Variants in FNDC3A observed in about 807,000 individuals in gnomAD.
FNDC3A encodes the protein fibronectin type-III domain-containing protein 3A.
In FNDC3A, 32 loss-of-function variants were observed where a neutral mutation model predicts 148.9. The observed-to-expected ratio is 0.21, with a 90% CI of 0.16 to 0.29. The LOEUF (loss-of-function observed/expected upper bound fraction) is 0.29, where lower values mean the gene tolerates loss of function less well. FNDC3A is among the 10% of genes least tolerant of loss of function. FNDC3A has a pLI of 1.00. For synonymous variants in FNDC3A, 472 were observed against 473.6 expected (o/e 1.00, Z 0.04); for missense variants, 1,191 against 1,452.8 (o/e 0.82, Z 2.93).
chr13:49,073,409 G>A (rs1310323690), intron 2 of FNDC3A, among the ~76,000 whole-genome samples: 2 of 151,746 alleles, frequency 1.3e-5, no homozygotes, highest in Non-Finnish European at 2.9e-5. Context: ...CAATAGTACA[G>A]GTTGGGCATC....
intron 3 of FNDC3A, among the ~76,000 whole-genome samples, chr13:49,107,228 G>A (rs1166048866): frequency 6.6e-6 from 1 of 152,198 alleles, no homozygotes; most frequent in African/African-American, 2.4e-5. Flanking sequence ...ATAGAGTCAT[G>A]TTATAGAGTT....
chr13:49,074,307 C>T (rs919529968), intron 2 of FNDC3A, among the ~76,000 whole-genome samples: 12 of 152,134 alleles, frequency 7.9e-5, no homozygotes, highest in Admixed American at 3.3e-4. Flanking sequence ...CATAGCTTAG[C>T]TAGCTCCCAT....
chr13:49,022,889 C>T (rs1384335382), intron 2 of FNDC3A, among the ~76,000 whole-genome samples: 2 of 152,072 alleles, frequency 1.3e-5, no homozygotes, highest in Non-Finnish European at 2.9e-5. Context: ...TTACCGTTAA[C>T]TTTTCTTTAG....
chr13:49,042,593 T>C (rs1875021382), intron 2 of FNDC3A, among the ~76,000 whole-genome samples: 1 of 151,960 alleles, frequency 6.6e-6, no homozygotes, highest in Non-Finnish European at 1.5e-5. Flanking sequence ...CTAGGCAAGA[T>C]AGTGAGACCC....
At chr13:49,177,667 G>C (rs1885099218) in intron 13 of FNDC3A, among the ~76,000 whole-genome samples, 1 of 152,182 alleles carries the variant, frequency 6.6e-6, no homozygotes, top group Non-Finnish European at 1.5e-5. Flanking sequence ...TAAACAAAAT[G>C]TGGTGTATCC....
At chr13:49,017,179 T>TC (rs1872871277) in intron 2 of FNDC3A, among the ~76,000 whole-genome samples, 1 of 152,048 alleles carries the variant, frequency 6.6e-6, no homozygotes, top group African/African-American at 2.4e-5. Flanking sequence ...GTCTCGTTGA[T>TC]CTGTCTAATG....
intron 1 of FNDC3A, among the ~76,000 whole-genome samples, chr13:48,983,954 T>G (rs1418445057): frequency 2.0e-5 from 3 of 151,992 alleles, no homozygotes; most frequent in Non-Finnish European, 4.4e-5. Context: ...CAAATACAAA[T>G]AAATATAATA....
At chr13:49,087,652 A>G (rs1246766534) in intron 3 of FNDC3A, among the ~76,000 whole-genome samples, 4 of 152,160 alleles carry the variant, frequency 2.6e-5, no homozygotes, top group African/African-American at 9.6e-5. Flanking sequence ...CAAAAGAGCT[A>G]GAGAAGATTT....
intron 3 of FNDC3A, among the ~76,000 whole-genome samples, chr13:49,102,134 T>C (rs74887066): frequency 1.9e-3 from 291 of 150,130 alleles, no homozygotes; most frequent in African/African-American, 6.9e-3. Flanking sequence ...CAAGCGTAGC[T>C]TTTTTTTTCT....
intron 2 of FNDC3A, among the ~76,000 whole-genome samples, chr13:49,021,683 A>G (rs1423052719): frequency 1.3e-5 from 2 of 152,160 alleles, no homozygotes; most frequent in Admixed American, 6.5e-5. Context: ...GCCTTTGGTT[A>G]ATTTCTAGAG....
rs987987956 is a variant in FNDC3A, at chr13:49,188,530, T to A, written c.1841T>A (p.Met614Lys). The change falls in exon 17 of 26, where the codon ATG becomes AAG. Residue 614 changes from methionine to lysine, a missense_variant. This residue lies in a region of FNDC3A where 751 missense variants were observed against 944.0 expected (regional missense o/e 0.80). Coordinates refer to ENST00000492622, the MANE Select transcript of FNDC3A (RefSeq NM_001079673.2). ...AEGSNGNKWE[M>K]IYSGATREHL... ...CACCTTACAGGAAACAAATGGGAAATGATATACAGTGGTGCTACCAGGGAA... is the reference window on the plus strand; with the variant it reads ...CACCTTACAGGAAACAAATGGGAAAAGATATACAGTGGTGCTACCAGGGAA... The A allele has an allele frequency of 5.0e-6, 8 of 1,611,130 alleles. No homozygotes were observed. The African/African-American group carries it at 1.1e-4, about 22-fold the overall frequency.
chr13:49,123,185 A>G (rs1476504141), intron 4 of FNDC3A, among the ~76,000 whole-genome samples: 2 of 152,186 alleles, frequency 1.3e-5, no homozygotes, highest in Non-Finnish European at 2.9e-5. Flanking sequence ...GGCCTCAGAA[A>G]TAATACCACA....
chr13:49,116,785 C>CAAA lies in FNDC3A; in HGVS notation c.252+2067_252+2069dup, dbSNP rs55711716. 1.0e-3 allele frequency among the ~76,000 whole-genome samples: 140 copies of CAAA among 140,250 alleles called. 2 individuals are homozygous for CAAA. The highest frequency in any genetic ancestry group is 7.7e-3 in the South Asian group (33 of 4,312). 92.0% of individuals were successfully genotyped at this position (140,250 alleles called of 152,430 possible). On this transcript the variant is annotated intron_variant, in intron 4 of 25. Coordinates refer to ENST00000492622, the MANE Select transcript of FNDC3A (RefSeq NM_001079673.2). ...TGGGAGACAGAGTGAGACTCCGTCT[C>CAAA]AAAAAAAAAAAAAAATCCTATAATG...
chr13:49,187,069 C>T (rs1357561853), intron 15 of FNDC3A, 53 bp from the exon 16 acceptor site: 2 of 1,330,440 alleles, frequency 1.5e-6, no homozygotes, highest in African/African-American at 1.5e-5. Context: ...TTTTTTTTAT[C>T]ATTTTTATGT....
At chr13:49,132,972 T>G (rs1157609269) in intron 5 of FNDC3A, among the ~76,000 whole-genome samples, 2 of 152,362 alleles carry the variant, frequency 1.3e-5, no homozygotes, top group East Asian at 3.9e-4. Context: ...ATTGTTTCCC[T>G]GCACTTAGCA....
At chr13:49,169,230 A>G (rs766132286) in intron 10 of FNDC3A, among the ~76,000 whole-genome samples, 3 of 152,226 alleles carry the variant, frequency 2.0e-5, no homozygotes, top group Non-Finnish European at 4.4e-5. Context: ...GACAGATACC[A>G]TACATAGAAT....
At chr13:49,023,001 A>G (rs1314137287) in intron 2 of FNDC3A, among the ~76,000 whole-genome samples, 1 of 152,096 alleles carries the variant, frequency 6.6e-6, no homozygotes, top group Non-Finnish European at 1.5e-5. Context: ...ATATTAAGCT[A>G]GGTTGTCCTG....
chr13:49,020,665 G>T (rs891489771), intron 2 of FNDC3A, among the ~76,000 whole-genome samples: 2 of 152,214 alleles, frequency 1.3e-5, no homozygotes, highest in African/African-American at 2.4e-5. Context: ...TGCCATCAGT[G>T]TTGGGGGGTT....
intron 4 of FNDC3A, among the ~76,000 whole-genome samples, chr13:49,124,369 A>G (rs763073135): frequency 2.0e-5 from 3 of 152,090 alleles, no homozygotes; most frequent in Admixed American, 6.6e-5. Context: ...GAGGGATAGC[A>G]TTAGGAGAAA....
Sources: gnomAD v4.1 joint callset for allele counts (sites outside exome capture counted in the v4.1 genomes callset) on GRCh38, gnomAD v4.1.1 for gene constraint, gnomAD v4.1.1 regional missense constraint, MANE v1.5 for transcripts, NCBI Gene and HGNC (gene_info 2026-07-23, HGNC 2026-07-21) for gene names.